The following C1orf167 variants were observed in gnomAD, a reference collection of about 807,000 sequenced individuals.
C1orf167 encodes uncharacterized protein C1orf167.
In C1orf167, 153 loss-of-function variants were observed where a neutral mutation model predicts 176.5. The observed-to-expected ratio is 0.87, with a 90% CI of 0.76 to 0.99. The LOEUF is 0.99. C1orf167 is among the 50% of genes least tolerant of loss of function. C1orf167 has a pLI of 0.00. For missense variants in C1orf167, 1,490 were observed against 1,817.7 expected (o/e 0.82, Z 3.28); for synonymous variants, 594 against 752.7 (o/e 0.79, Z 3.45).
At chr1:11,770,116 A>AT (rs201273723) in intron 6 of C1orf167, among the ~76,000 whole-genome samples, 1 of 139,084 alleles carries the variant, frequency 7.2e-6, no homozygotes, top group Non-Finnish European at 1.6e-5. Context: ...TTTGCATAGC[A>AT]TTTTTTAAAA....
intron 6 of C1orf167, among the ~76,000 whole-genome samples, chr1:11,770,584 T>C (rs974451773): frequency 8.6e-5 from 13 of 151,048 alleles, no homozygotes; most frequent in Non-Finnish European, 1.8e-4. Context: ...GCTGGGATTA[T>C]AGGCACACAC....
At chr1:11,771,049 G>GTGTGTGTGTATA (rs1491322371) in intron 6 of C1orf167, among the ~76,000 whole-genome samples, 11 of 34,908 alleles carry the variant, frequency 3.2e-4, no homozygotes, top group African/African-American at 4.0e-4. Flanking sequence ...GTGTGTGTGT[G>GTGTGTGTGTATA]TATATATATA....
rs1642784450 is a variant in C1orf167 at position 11,766,201 on chromosome 1, C to G, written c.415C>G (p.Pro139Ala). The change falls in exon 3 of 21, where the codon CCT becomes GCT. Residue 139 changes from proline (P) to alanine (A), a missense_variant. Pro to Ala is a conservative substitution (Grantham distance 27). Coordinates refer to ENST00000688073, the MANE Select transcript of C1orf167 (RefSeq NM_001010881.2). This position sits in a 1 kb window ranked among gnomAD's most constrained non-coding sequence, Gnocchi z 4.5. ...ETSSPHLCPEPGGSSGPHKLP... is the reference protein window; with the variant it reads ...ETSSPHLCPEAGGSSGPHKLP... The stretch of plus-strand genomic sequence containing the variant: ...CAGCAGCCCCCACCTCTGCCCAGAG[C>G]CTGGGGGAAGCTCTGGGCCCCACAA... 1 of 1,289,612 alleles carries G rather than the reference C, an allele frequency of 7.8e-7. No individual in the cohort carries two copies. Among genetic ancestry groups the G allele is most frequent in the African/African-American group, 1.5e-5 (1 of 65,870 alleles). 79.9% of individuals were successfully genotyped at this position (1,289,612 alleles called of 1,614,324 possible).
rs957293378 is a variant in C1orf167, at chr1:11,787,714, G to A, written c.3674-159G>A. 19 of 1,079,980 alleles carry A rather than the reference G, an allele frequency of 1.8e-5. No homozygotes were observed. The South Asian group carries it at 2.1e-4, about 12-fold the overall frequency. 66.9% of individuals were successfully genotyped at this position (1,079,980 alleles called of 1,614,324 possible). ...ATTTCTCTTTGGGCGGCAGGCAGCC[G>A]GGAGAGGCTGGAGGCCTGGGGAGAT... On this transcript the variant is annotated intron_variant, in intron 17 of 20. Coordinates refer to ENST00000688073, the MANE Select transcript of C1orf167 (RefSeq NM_001010881.2).
chr1:11,769,015 A>T lies in C1orf167; in HGVS notation c.1585A>T (p.Met529Leu). Reference sequence around the variant, plus strand: ...ACAGCAGAAACAAGTACAGCCCCACATGCAGGCTGGGCCAGGGTCCCCGCC... The same window carrying T: ...ACAGCAGAAACAAGTACAGCCCCACTTGCAGGCTGGGCCAGGGTCCCCGCC... ...ALQQKQVQPH[M>L]QAGPGSPPSR... Residue 529 changes from methionine (M) to leucine (L), a missense_variant, in exon 6 of 21, where the codon ATG (methionine) becomes TTG (leucine). Met to Leu is a conservative substitution (Grantham distance 15). Transcript: ENST00000688073. The T allele has an allele frequency of 1.0e-6, 1 of 985,852 alleles. No homozygotes were observed. Among genetic ancestry groups the T allele is most frequent in the Non-Finnish European group, 1.2e-6 (1 of 829,950 alleles). The allele number at this position is 985,852 out of a possible 1,614,324, so 61.1% of individuals were successfully genotyped here.
intron 7 of C1orf167, 129 bp from the exon 8 acceptor site, chr1:11,771,953 C>G (rs1430585998): frequency 1.5e-6 from 1 of 657,820 alleles, no homozygotes; most frequent in Non-Finnish European, 2.2e-6. Flanking sequence ...AGTATTGGAG[C>G]TAGACTTCAC....
intron 17 of C1orf167, 182 bp downstream of exon 17, chr1:11,787,675 GC>G: frequency 1.1e-6 from 1 of 922,648 alleles, no homozygotes; most frequent in Non-Finnish European, 1.4e-6. Context: ...TTGCATTCCT[GC>G]CCCGCCCCTG....
At position 11,766,852 on chromosome 1, in the gene C1orf167, A is replaced by T. The variant is rs1570377173; in HGVS notation, c.1066A>T (p.Ser356Cys). Residue 356 changes from serine (S) to cysteine (C), a missense_variant, in exon 3 of 21, where the codon AGC (serine) becomes TGC (cysteine). Physicochemically the swap from Ser to Cys is moderately radical, Grantham distance 112. Coordinates refer to ENST00000688073, the MANE Select transcript of C1orf167 (RefSeq NM_001010881.2). This position sits in a 1 kb window ranked among gnomAD's most constrained non-coding sequence, Gnocchi z 4.5. The stretch of plus-strand genomic sequence containing the variant: ...TGCCCACCCCCTAGGGTCAGGGGAC[A>T]GCTGCTCCCCCTGGTCTCAAGATGG... Reference protein sequence around the residue: ...PPAHPLGSGDSCSPWSQDGRA... With the variant: ...PPAHPLGSGDCCSPWSQDGRA... 2.3e-6 allele frequency: 3 copies of T among 1,282,372 alleles called. No homozygotes were observed. The highest frequency in any genetic ancestry group is 3.0e-6 in the Non-Finnish European group (3 of 984,316). The allele number at this position is 1,282,372 out of a possible 1,614,324, so 79.4% of individuals were successfully genotyped here.
At chr1:11,771,141 ACTC>A in intron 6 of C1orf167, among the ~76,000 whole-genome samples, 1 of 131,106 alleles carries the variant, frequency 7.6e-6, no homozygotes, top group East Asian at 2.2e-4. Flanking sequence ...CTGGTCTCAA[ACTC>A]CTGGCTTCAA....
chr1:11,776,036 C>T (rs1172812485), intron 9 of C1orf167, among the ~76,000 whole-genome samples: 4 of 152,172 alleles, frequency 2.6e-5, no homozygotes, highest in Admixed American at 2.6e-4. Flanking sequence ...GAGAGTGGAT[C>T]ACCTGAGGTC....
chr1:11,775,607 G>A lies in C1orf167; in HGVS notation c.2161G>A (p.Ala721Thr). The change falls in exon 9 of 21, where the codon GCA (alanine) becomes ACA (threonine). Residue 721 changes from alanine to threonine, a missense_variant. By Grantham distance (58) the Ala-to-Thr change is moderately conservative. Transcript: ENST00000688073. ...VTQLSLCRQKAGREAVYTAGP... is the reference protein window; with the variant it reads ...VTQLSLCRQKTGREAVYTAGP... ...CCAGCTGTCCCTCTGCCGGCAGAAA[G>A]CAGGTGAGCTAGTGTTGGCTTCCGC... 7.7e-7 allele frequency: 1 copy of A among 1,302,286 alleles called. No homozygotes were observed. Among genetic ancestry groups the A allele is most frequent in the Non-Finnish European group, 1.0e-6 (1 of 988,040 alleles). 80.7% of individuals were successfully genotyped at this position (1,302,286 alleles called of 1,614,324 possible). A position where few individuals can be genotyped will look rare whatever the true frequency, so the allele number is the denominator to read the frequency against.
In C1orf167 at chr1:11,788,871, T is replaced by A; in HGVS notation, c.4173+125T>A. 3 of 735,506 alleles carry A rather than the reference T, an allele frequency of 4.1e-6. No homozygotes were observed. The South Asian group carries it at 4.7e-5, about 12-fold the overall frequency. 45.6% of individuals were successfully genotyped at this position (735,506 alleles called of 1,614,324 possible). On this transcript the variant is annotated intron_variant, in intron 20 of 20. Transcript: ENST00000688073. The stretch of plus-strand genomic sequence containing the variant: ...TGCCAGCCCCGGGGCCCCTTCGTTT[T>A]CAGGGGAGGGGGTCAGTTCCATTAC...
At chr1:11,767,599 G>A (rs948791576) in intron 4 of C1orf167, among the ~76,000 whole-genome samples, 1 of 152,136 alleles carries the variant, frequency 6.6e-6, no homozygotes, top group Admixed American at 6.6e-5. Flanking sequence ...GAGGCAGGCA[G>A]ATTGCTTGAG....
At chr1:11,770,467 T>C (rs1029527678) in intron 6 of C1orf167, among the ~76,000 whole-genome samples, 3 of 146,304 alleles carry the variant, frequency 2.1e-5, no homozygotes, top group African/African-American at 5.0e-5. Flanking sequence ...TTTTTTCGAG[T>C]CAGAGTATCG....
chr1:11,762,820 C>T (rs1019026598), intron 1 of C1orf167, among the ~76,000 whole-genome samples: 4 of 151,978 alleles, frequency 2.6e-5, no homozygotes, highest in African/African-American at 4.8e-5. Flanking sequence ...AACAAACAAA[C>T]AAAAAAAACC....
chr1:11,775,646 G>C, intron 9 of C1orf167, 36 bp downstream of exon 9: 2 of 1,283,018 alleles, frequency 1.6e-6, no homozygotes, highest in Non-Finnish European at 2.0e-6. Flanking sequence ...AGCAAACCGT[G>C]TCACTTAAGC....
At chr1:11,776,135 T>C (rs1643301637) in intron 9 of C1orf167, among the ~76,000 whole-genome samples, 1 of 152,330 alleles carries the variant, frequency 6.6e-6, no homozygotes, top group East Asian at 1.9e-4. Flanking sequence ...CGCATGCCTG[T>C]AATTCCAGCT....
Position 11,789,572 on chromosome 1 carries a change from A to C in C1orf167, c.*126A>C. 2 of 878,708 alleles carry C rather than the reference A, an allele frequency of 2.3e-6. No homozygotes were observed. Among genetic ancestry groups the C allele is most frequent in the South Asian group, 1.7e-5 (1 of 58,726 alleles). The allele number at this position is 878,708 out of a possible 1,614,324, so 54.4% of individuals were successfully genotyped here. A position where few individuals can be genotyped will look rare whatever the true frequency, so the allele number is the denominator to read the frequency against. On this transcript the variant is annotated 3_prime_UTR_variant, in exon 21 of 21. Coordinates refer to ENST00000688073, the MANE Select transcript of C1orf167 (RefSeq NM_001010881.2). ...AGAGCTCTGAAGGACAATAAAACCCACTCCTCAGTCCTAGCTGCTGCTTTC... is the reference window on the plus strand; with the variant it reads ...AGAGCTCTGAAGGACAATAAAACCCCCTCCTCAGTCCTAGCTGCTGCTTTC...
rs1380210717 is a variant in C1orf167 at position 11,779,031 on chromosome 1, C to G, written c.2602C>G (p.Gln868Glu). Residue 868 changes from glutamine to glutamate, a missense_variant, in exon 12 of 21, where the codon CAG becomes GAG. Physicochemically the swap from Gln to Glu is conservative, Grantham distance 29. Coordinates refer to ENST00000688073, the MANE Select transcript of C1orf167 (RefSeq NM_001010881.2). The stretch of plus-strand genomic sequence containing the variant: ...CCTTCTGCTCTGGCAGGCACGGGCC[C>G]AGCAGTTCCAGGGCACAGCCAGGTG... Reference protein sequence around the residue: ...QCLLLWQARAQQFQGTARWYQ... With the variant: ...QCLLLWQARAEQFQGTARWYQ... 1 of 1,292,646 alleles carries G rather than the reference C, an allele frequency of 7.7e-7. No individual in the cohort carries two copies. Among genetic ancestry groups the G allele is most frequent in the Non-Finnish European group, 1.0e-6 (1 of 983,608 alleles). The allele number at this position is 1,292,646 out of a possible 1,614,324, so 80.1% of individuals were successfully genotyped here. A position where few individuals can be genotyped will look rare whatever the true frequency, so the allele number is the denominator to read the frequency against.
Sources: gnomAD v4.1 joint callset for allele counts (sites outside exome capture counted in the v4.1 genomes callset) on GRCh38, gnomAD v4.1.1 for gene constraint, Gnocchi (gnomAD v3.1) non-coding constraint, MANE v1.5 for transcripts, NCBI Gene and HGNC (gene_info 2026-07-23, HGNC 2026-07-21) for gene names.